The following MPPED1 variants were observed in gnomAD, a reference collection of about 807,000 sequenced individuals.
The protein encoded by MPPED1 is metallophosphoesterase domain-containing protein 1.
Under a neutral mutation model 36.2 loss-of-function variants are expected in MPPED1, and 16 were observed. The observed-to-expected ratio is 0.44, with a 90% confidence interval of 0.30 to 0.67. The LOEUF (loss-of-function observed/expected upper bound fraction) is 0.67, where lower values mean the gene tolerates loss of function less well. Among genes scored for constraint, MPPED1 ranks in the 30% least tolerant of loss-of-function variants. MPPED1 has a pLI of 0.10. For synonymous variants in MPPED1, 199 were observed against 191.3 expected (o/e 1.04, Z -0.33); for missense variants, 307 against 453.4 (o/e 0.68, Z 2.93).
chr22:43,433,890 G>C (rs1929857767), intron 2 of MPPED1, among the ~76,000 whole-genome samples: 1 of 152,244 alleles, frequency 6.6e-6, no homozygotes, highest in African/African-American at 2.4e-5. Flanking sequence ...TTTGGAGAGA[G>C]CTGCTGTTGA....
At chr22:43,465,881 C>A (rs527494059) in intron 3 of MPPED1, among the ~76,000 whole-genome samples, 6 of 152,130 alleles carry the variant, frequency 3.9e-5, no homozygotes, top group African/African-American at 1.4e-4. Context: ...AGTGCAGTAG[C>A]CCCTGGGGAA....
intron 3 of MPPED1, among the ~76,000 whole-genome samples, chr22:43,446,298 G>A (rs1335191986): frequency 4.6e-5 from 7 of 152,320 alleles, no homozygotes; most frequent in South Asian, 4.1e-4. Context: ...TGCACTGGGC[G>A]TGATTCTAGG....
At position 43,500,290 on chromosome 22, in the gene MPPED1, G is replaced by GGTGGTGGTGATGGA. The variant is rs1932665214; in HGVS notation, c.748+1941_748+1942insTGGTGGTGATGGAG. Among the ~76,000 whole-genome samples, 8 of 9,056 alleles carry GGTGGTGGTGATGGA rather than the reference G, an allele frequency of 8.8e-4. No individual in the cohort carries two copies. The South Asian group carries it at 0.022, about 25-fold the overall frequency. The allele number at this position is 9,056 out of a possible 152,430, so 5.9% of individuals were successfully genotyped here. ...GTGATGGAGGTGGCGGTGGTGATGG[G>GGTGGTGGTGATGGA]GGTGGTGGTGGTGATGGTGATGGAG... is the stretch of plus-strand genomic sequence containing the variant. On this transcript the variant is annotated intron_variant, in intron 5 of 6. Transcript: ENST00000443721.
At chr22:43,480,476 A>T (rs148042777) in intron 4 of MPPED1, among the ~76,000 whole-genome samples, 1 of 152,256 alleles carries the variant, frequency 6.6e-6, no homozygotes, top group East Asian at 1.9e-4. Flanking sequence ...ATCTCTTCCC[A>T]TGTTGATTGG....
chr22:43,493,555 G>C (rs1932167010), intron 4 of MPPED1, among the ~76,000 whole-genome samples: 1 of 152,208 alleles, frequency 6.6e-6, no homozygotes, highest in Non-Finnish European at 1.5e-5. Context: ...TTGGGGGCCG[G>C]CACGCCAGGA....
At chr22:43,441,994 G>A (rs1930163923) in intron 3 of MPPED1, among the ~76,000 whole-genome samples, 1 of 152,166 alleles carries the variant, frequency 6.6e-6, no homozygotes, top group African/African-American at 2.4e-5. Flanking sequence ...AGGAGCAGGT[G>A]GGGCCTCGCC....
intron 3 of MPPED1, among the ~76,000 whole-genome samples, chr22:43,443,678 T>G (rs1930230875): frequency 6.6e-6 from 1 of 151,486 alleles, no homozygotes; most frequent in Admixed American, 6.6e-5. Flanking sequence ...AAAAAAAAAG[T>G]CCAACCAACT....
intron 3 of MPPED1, among the ~76,000 whole-genome samples, chr22:43,441,294 C>T (rs1411588408): frequency 6.6e-6 from 1 of 152,184 alleles, no homozygotes; most frequent in Non-Finnish European, 1.5e-5. Flanking sequence ...CTGACGTCTG[C>T]AATCATCTAT....
chr22:43,426,509 G>A (rs1391295124), intron 2 of MPPED1, among the ~76,000 whole-genome samples: 1 of 152,156 alleles, frequency 6.6e-6, no homozygotes, highest in African/African-American at 2.4e-5. Flanking sequence ...CTGGGGCTGT[G>A]ATCTCCATCT....
chr22:43,438,397 T>G, intron 3 of MPPED1, among the ~76,000 whole-genome samples: 2 of 150,506 alleles, frequency 1.3e-5, no homozygotes, highest in South Asian at 2.1e-4. Context: ...GCACTAGGAG[T>G]GTTGGGAAGT....
chr22:43,471,865 G>C (rs904954070), intron 3 of MPPED1, among the ~76,000 whole-genome samples: 3 of 152,220 alleles, frequency 2.0e-5, no homozygotes, highest in Non-Finnish European at 2.9e-5. Flanking sequence ...GCGTCCATCA[G>C]GGTGGGCTCT....
intron 3 of MPPED1, among the ~76,000 whole-genome samples, chr22:43,472,058 G>A (rs572205009): frequency 1.7e-4 from 26 of 152,304 alleles, no homozygotes; most frequent in South Asian, 8.3e-4. Context: ...GGTGTGAGAC[G>A]GTAGGGACAG....
intron 3 of MPPED1, among the ~76,000 whole-genome samples, chr22:43,442,935 A>G (rs1472513255): frequency 6.6e-6 from 1 of 152,152 alleles, no homozygotes; most frequent in Non-Finnish European, 1.5e-5. Context: ...GCAGGGGTCT[A>G]CGTGCATCTC....
At chr22:43,436,214 G>A (rs1395530322) in intron 3 of MPPED1, among the ~76,000 whole-genome samples, 1 of 152,264 alleles carries the variant, frequency 6.6e-6, no homozygotes, top group Non-Finnish European at 1.5e-5. Context: ...CCCACCCGGG[G>A]AAGACAGATG....
chr22:43,488,759 T>C (rs1931993392), intron 4 of MPPED1, among the ~76,000 whole-genome samples: 2 of 152,388 alleles, frequency 1.3e-5, no homozygotes, highest in South Asian at 4.1e-4. Flanking sequence ...TTCCAATGGT[T>C]ACTTTAGAAC....
intron 5 of MPPED1, among the ~76,000 whole-genome samples, chr22:43,500,050 G>T (rs941096256): frequency 2.7e-5 from 2 of 74,384 alleles, no homozygotes; most frequent in African/African-American, 2.1e-4. Context: ...GTGGTGATGG[G>T]GGTGGTGGTG....
intron 3 of MPPED1, among the ~76,000 whole-genome samples, chr22:43,453,891 T>C (rs1601972231): frequency 6.6e-6 from 1 of 152,220 alleles, no homozygotes; most frequent in Non-Finnish European, 1.5e-5. Context: ...GCCTTTCCTC[T>C]CTGGAACTTT....
intron 3 of MPPED1, among the ~76,000 whole-genome samples, chr22:43,441,996 G>A (rs1930164012): frequency 6.6e-6 from 1 of 152,140 alleles, no homozygotes; most frequent in Admixed American, 6.5e-5. Flanking sequence ...GAGCAGGTGG[G>A]GCCTCGCCCT....
At chr22:43,423,481 TC>T (rs374533264) in intron 1 of MPPED1, among the ~76,000 whole-genome samples, 6 of 152,124 alleles carry the variant, frequency 3.9e-5, no homozygotes, top group Middle Eastern at 3.2e-3. Context: ...GAGATTTTTT[TC>T]CCCCTTGTCT....
Sources: allele counts gnomAD v4.1 joint callset (sites outside exome capture counted in the v4.1 genomes callset), GRCh38; gene constraint gnomAD v4.1.1; transcripts MANE v1.5; gene names NCBI Gene and HGNC (gene_info 2026-07-23, HGNC 2026-07-21).